Variants in RIMS2 observed in about 807,000 individuals in gnomAD.
RIMS2 encodes regulating synaptic membrane exocytosis 2, also known as regulating synaptic membrane exocytosis protein 2.
Under a neutral mutation model 174.4 loss-of-function variants are expected in RIMS2, and 59 were observed. The ratio of observed to expected loss-of-function variants is 0.34; its 90% CI spans 0.27 to 0.42. The LOEUF is 0.42. Among genes scored for constraint, RIMS2 ranks in the 10% least tolerant of loss-of-function variants. The pLI, the probability that RIMS2 is intolerant of heterozygous loss-of-function variation, is 1.00. For synonymous variants in RIMS2, 606 were observed against 572.5 expected, an observed-to-expected ratio of 1.06 and a Z score of -0.84; for missense variants, 1,620 against 1,666.3, an observed-to-expected ratio of 0.97 and a Z score of 0.48.
intron 19 of RIMS2, among the ~76,000 whole-genome samples, chr8:104,120,163 T>C (rs1356103013): frequency 1.3e-5 from 2 of 152,142 alleles, no homozygotes; most frequent in African/African-American, 4.8e-5. Flanking sequence ...GATCTTCAAG[T>C]CTCCTCACTC....
intron 3 of RIMS2, among the ~76,000 whole-genome samples, chr8:103,778,141 G>A (rs1306434228): frequency 6.6e-6 from 1 of 151,928 alleles, no homozygotes; most frequent in Non-Finnish European, 1.5e-5. Flanking sequence ...TTTTATTGAT[G>A]TATAATACAT....
rs1278423066 is a variant in RIMS2 at position 103,913,798 on chromosome 8, T to A, written c.1812+1626T>A. ...TGCCACATAGGTTTAAATGACCAGA[T>A]CTTGCAAGAACTCACTATCACAAAG... On this transcript the variant is annotated intron_variant, in intron 6 of 23. Coordinates refer to ENST00000504942, the Ensembl canonical transcript of RIMS2. Among the ~76,000 whole-genome samples, 3 of 152,114 alleles carry A rather than the reference T, an allele frequency of 2.0e-5. No individual in the cohort carries two copies. In the South Asian group the frequency reaches 6.2e-4, roughly 32 times the overall value.
At chr8:104,060,401 G>A (rs948622051) in intron 19 of RIMS2, among the ~76,000 whole-genome samples, 3 of 151,900 alleles carry the variant, frequency 2.0e-5, no homozygotes, top group African/African-American at 7.3e-5. Flanking sequence ...GTATTTCTGT[G>A]GGATCGGTGG....
intron 1 of RIMS2, among the ~76,000 whole-genome samples, chr8:103,620,111 C>G (rs2095601585): frequency 6.6e-6 from 1 of 152,106 alleles, no homozygotes; most frequent in Admixed American, 6.6e-5. Context: ...TAACATTTGT[C>G]AAACTGTTGG....
At chr8:103,551,790 A>G (rs557171319) in intron 1 of RIMS2, among the ~76,000 whole-genome samples, 1 of 152,332 alleles carries the variant, frequency 6.6e-6, no homozygotes, top group East Asian at 1.9e-4. Context: ...AATCACAAGC[A>G]TTCCTATAAA....
chr8:103,766,508 T>A (rs1444765293), exon 3 of RIMS2: 1 of 1,613,308 alleles, frequency 6.2e-7, no homozygotes, highest in South Asian at 1.1e-5. Flanking sequence ...GCGTGAAGCA[T>A]CACATTGCCA....
At chr8:103,854,547 G>T (rs1259705909) in intron 3 of RIMS2, among the ~76,000 whole-genome samples, 2 of 150,044 alleles carry the variant, frequency 1.3e-5, no homozygotes, top group Non-Finnish European at 3.0e-5. Context: ...TGCCTAGTTT[G>T]TTGAGGGTTT....
chr8:104,223,767 T>C (rs897221697), intron 19 of RIMS2: 2 of 1,596,342 alleles, frequency 1.3e-6, no homozygotes, highest in Non-Finnish European at 1.7e-6. Context: ...TTTCCCTGCA[T>C]GAACTCCCTG....
intron 2 of RIMS2, among the ~76,000 whole-genome samples, chr8:103,737,581 C>T (rs2097702922): frequency 1.3e-5 from 2 of 152,126 alleles, no homozygotes; most frequent in South Asian, 2.1e-4. Flanking sequence ...CAGATTGTGT[C>T]ATTTTCATTC....
At chr8:104,197,214 T>C (rs780069325) in intron 19 of RIMS2, among the ~76,000 whole-genome samples, 3 of 151,850 alleles carry the variant, frequency 2.0e-5, no homozygotes, top group Non-Finnish European at 4.4e-5. Context: ...TTGCTCTTGT[T>C]GCCCAGGCTG....
chr8:104,148,271 T>C (rs954156483), intron 19 of RIMS2, among the ~76,000 whole-genome samples: 2 of 151,934 alleles, frequency 1.3e-5, no homozygotes, highest in Admixed American at 1.3e-4. Flanking sequence ...TTCTCCCTTA[T>C]GTCGTATGGC....
At chr8:104,050,558 A>G (rs2096768959) in intron 19 of RIMS2, among the ~76,000 whole-genome samples, 1 of 152,194 alleles carries the variant, frequency 6.6e-6, no homozygotes, top group South Asian at 2.1e-4. Context: ...ACTAAAGACC[A>G]TTAAACAGAA....
intron 1 of RIMS2, among the ~76,000 whole-genome samples, chr8:103,658,767 C>T (rs918942515): frequency 6.6e-5 from 10 of 152,186 alleles, no homozygotes; most frequent in Non-Finnish European, 1.5e-4. Context: ...CTTGTCTCCT[C>T]CAGAGTACTA....
At chr8:103,609,839 TTAAA>T (rs2095305066) in intron 1 of RIMS2, among the ~76,000 whole-genome samples, 1 of 152,238 alleles carries the variant, frequency 6.6e-6, no homozygotes. Flanking sequence ...GTATGAATTT[TTAAA>T]TAGTTTTTTT....
At chr8:103,822,969 T>C (rs889523133) in intron 3 of RIMS2, among the ~76,000 whole-genome samples, 2 of 151,978 alleles carry the variant, frequency 1.3e-5, no homozygotes, top group African/African-American at 4.8e-5. Context: ...TTTAGCATTG[T>C]TCACTGCATT....
chr8:103,575,338 C>T (rs1563840976), intron 1 of RIMS2, among the ~76,000 whole-genome samples: 2 of 152,068 alleles, frequency 1.3e-5, no homozygotes, highest in Non-Finnish European at 1.5e-5. Flanking sequence ...CTGTTTTTAG[C>T]AGTTTAAACT....
chr8:103,595,876 T>A (rs2094461082), intron 1 of RIMS2, among the ~76,000 whole-genome samples: 1 of 151,966 alleles, frequency 6.6e-6, no homozygotes, highest in African/African-American at 2.4e-5. Context: ...ATCTTTTTTT[T>A]CCTATGAATA....
At chr8:103,618,151 G>A (rs970501590) in intron 1 of RIMS2, among the ~76,000 whole-genome samples, 2 of 152,144 alleles carry the variant, frequency 1.3e-5, no homozygotes, top group African/African-American at 4.8e-5. Context: ...GGAATATTAT[G>A]TAGCCATGAA....
intron 19 of RIMS2, among the ~76,000 whole-genome samples, chr8:104,216,463 C>T (rs1033774718): frequency 1.3e-5 from 2 of 152,136 alleles, no homozygotes; most frequent in African/African-American, 2.4e-5. Context: ...GTCATAAGGC[C>T]TGGATTCAAA....
Sources: allele counts gnomAD v4.1 joint callset (sites outside exome capture counted in the v4.1 genomes callset), GRCh38; gene constraint gnomAD v4.1.1; transcripts MANE v1.5; gene names NCBI Gene and HGNC (gene_info 2026-07-23, HGNC 2026-07-21).